Variants in TNR observed in about 807,000 individuals in gnomAD.
TNR encodes the protein tenascin-R.
A neutral mutation model predicts 150.4 loss-of-function variants in TNR; 45 were observed. That is an observed-to-expected ratio of 0.30 (90% CI 0.24 to 0.38). The LOEUF (loss-of-function observed/expected upper bound fraction) is 0.38. Among genes scored for constraint, TNR ranks in the 10% least tolerant of loss-of-function variants. The pLI, the probability that TNR is intolerant of heterozygous loss-of-function variation, is 1.00. For synonymous variants in TNR, 687 were observed against 678.4 expected (o/e 1.01, Z -0.20); for missense variants, 1,544 against 1,759.1 (o/e 0.88, Z 2.19).
intron 2 of TNR, among the ~76,000 whole-genome samples, chr1:175,483,905 CAT>C (rs1361104953): frequency 1.3e-5 from 2 of 152,200 alleles, no homozygotes; most frequent in African/African-American, 2.4e-5. Flanking sequence ...CACACACACA[CAT>C]GACTGTCTTG....
intron 20 of TNR, among the ~76,000 whole-genome samples, chr1:175,331,058 T>TTTCCTTCCTTCCTTCC (rs1553203362): frequency 3.4e-5 from 4 of 116,208 alleles, no homozygotes; most frequent in African/African-American, 1.5e-4. Flanking sequence ...TCTTTCTTTC[T>TTTCCTTCCTTCCTTCC]TTCTTTCTTT....
At chr1:175,431,456 TC>T (rs1183122381) in intron 2 of TNR, among the ~76,000 whole-genome samples, 1 of 152,174 alleles carries the variant, frequency 6.6e-6, no homozygotes, top group Non-Finnish European at 1.5e-5. Flanking sequence ...GCTTAAATTC[TC>T]ACTAAGGTGA....
At chr1:175,669,564 C>G (rs1033788476) in intron 1 of TNR, among the ~76,000 whole-genome samples, 1 of 152,128 alleles carries the variant, frequency 6.6e-6, no homozygotes, top group Non-Finnish European at 1.5e-5. Flanking sequence ...ATGCAATTAC[C>G]CAGATGGATC....
chr1:175,579,985 C>A (rs556392221), intron 1 of TNR, among the ~76,000 whole-genome samples: 20 of 152,184 alleles, frequency 1.3e-4, no homozygotes, highest in South Asian at 4.2e-4. Flanking sequence ...GTCCAAACGG[C>A]ATAAGGAAAG....
intron 1 of TNR, among the ~76,000 whole-genome samples, chr1:175,613,044 CT>C (rs1178948008): frequency 1.3e-5 from 2 of 152,246 alleles, no homozygotes; most frequent in East Asian, 3.9e-4. Context: ...GAATCATTAC[CT>C]TGTGACTAGT....
At chr1:175,515,227 C>G (rs1163894146) in intron 2 of TNR, among the ~76,000 whole-genome samples, 1 of 152,214 alleles carries the variant, frequency 6.6e-6, no homozygotes, top group Non-Finnish European at 1.5e-5. Context: ...TGCTATGCAT[C>G]TACCCTATGC....
chr1:175,524,818 G>A (rs914387827), intron 2 of TNR, among the ~76,000 whole-genome samples: 2 of 152,192 alleles, frequency 1.3e-5, no homozygotes, highest in Non-Finnish European at 2.9e-5. Flanking sequence ...TACTAGGAAG[G>A]TACTTGGACA....
chr1:175,370,146 C>T (rs1174780726), intron 9 of TNR, among the ~76,000 whole-genome samples: 1 of 151,988 alleles, frequency 6.6e-6, no homozygotes, highest in Non-Finnish European at 1.5e-5. Flanking sequence ...CACTTTTTAC[C>T]TGTGTAATTT....
intron 1 of TNR, among the ~76,000 whole-genome samples, chr1:175,683,556 C>A (rs2101912235): frequency 6.6e-6 from 1 of 152,346 alleles, no homozygotes; most frequent in South Asian, 2.1e-4. Flanking sequence ...GCCCCTTCAG[C>A]ACAAGGCAGG....
At chr1:175,631,542 A>G (rs1664327064) in intron 1 of TNR, among the ~76,000 whole-genome samples, 3 of 152,278 alleles carry the variant, frequency 2.0e-5, no homozygotes, top group Middle Eastern at 3.4e-3. Flanking sequence ...TGTGTGGCCC[A>G]AGACAATTCT....
chr1:175,546,383 T>A (rs1660688508), intron 1 of TNR, among the ~76,000 whole-genome samples: 1 of 152,130 alleles, frequency 6.6e-6, no homozygotes, highest in African/African-American at 2.4e-5. Context: ...AGTGACAGAA[T>A]CTGCTGGTGT....
chr1:175,480,566 C>T (rs1382528518), intron 2 of TNR, among the ~76,000 whole-genome samples: 4 of 152,188 alleles, frequency 2.6e-5, no homozygotes, highest in Non-Finnish European at 4.4e-5. Flanking sequence ...AATGACTTGA[C>T]TCATGTTTAC....
intron 20 of TNR, 57 bp from the exon 21 acceptor site, chr1:175,330,292 G>A (rs1459970452): frequency 8.2e-6 from 12 of 1,460,572 alleles, no homozygotes; most frequent in Non-Finnish European, 1.1e-5. Flanking sequence ...TTGGAAAATG[G>A]GAGGGAAATG....
chr1:175,729,212 A>C (rs577596593), intron 1 of TNR, among the ~76,000 whole-genome samples: 1 of 152,076 alleles, frequency 6.6e-6, no homozygotes, highest in Non-Finnish European at 1.5e-5. Context: ...GTGCTCAGCC[A>C]CAGTATAAAT....
chr1:175,577,549 G>T (rs2102225406), intron 1 of TNR, among the ~76,000 whole-genome samples: 1 of 152,198 alleles, frequency 6.6e-6, no homozygotes, highest in East Asian at 1.9e-4. Context: ...GCCTTGGTCA[G>T]TGTGGGTGCT....
chr1:175,443,704 G>A (rs1655900219), intron 2 of TNR, among the ~76,000 whole-genome samples: 1 of 152,144 alleles, frequency 6.6e-6, no homozygotes, highest in Non-Finnish European at 1.5e-5. Flanking sequence ...AGAATAGAGA[G>A]ATGGGAAGAA....
chr1:175,725,093 G>A (rs1667443489), intron 1 of TNR, among the ~76,000 whole-genome samples: 1 of 152,150 alleles, frequency 6.6e-6, no homozygotes, highest in Non-Finnish European at 1.5e-5. Context: ...GCAGGGGAGT[G>A]ACATGATCAG....
At chr1:175,713,454 G>T (rs558664095) in intron 1 of TNR, among the ~76,000 whole-genome samples, 1 of 151,958 alleles carries the variant, frequency 6.6e-6, no homozygotes, top group Non-Finnish European at 1.5e-5. Flanking sequence ...TATTTCTATA[G>T]AACATTTTTA....
At position 175,528,332 on chromosome 1, in the gene TNR, G is replaced by C. The variant is rs900651160; in HGVS notation, c.-127C>G. ...ACTTTCTTTAATCCTAATTCCAAAAGAGACCTGCCCTCTATGCAGTTAAAA... is the reference window on the plus strand; with the variant it reads ...ACTTTCTTTAATCCTAATTCCAAAACAGACCTGCCCTCTATGCAGTTAAAA... On this transcript the variant is annotated 5_prime_UTR_variant, in exon 2 of 23. Coordinates refer to ENST00000367674, the MANE Select transcript of TNR (RefSeq NM_003285.3). The C allele has an allele frequency of 6.6e-6, 1 of 152,200 alleles. No individual in the cohort carries two copies. The highest frequency in any genetic ancestry group is 2.1e-4 in the South Asian group (1 of 4,822). The allele number at this position is 152,200 out of a possible 1,614,324, so 9.4% of individuals were successfully genotyped here.
Sources: gnomAD v4.1 joint callset for allele counts (sites outside exome capture counted in the v4.1 genomes callset) on GRCh38, gnomAD v4.1.1 for gene constraint, MANE v1.5 for transcripts, NCBI Gene and HGNC (gene_info 2026-07-23, HGNC 2026-07-21) for gene names.